Variants in ANXA13 observed in about 807,000 individuals in gnomAD.
The protein encoded by ANXA13 is annexin A13.
A neutral mutation model predicts 46.6 loss-of-function variants in ANXA13; 36 were observed. That is an observed-to-expected ratio of 0.77 (90% CI 0.59 to 1.02). ANXA13 has a LOEUF of 1.02. Among genes scored for constraint, ANXA13 ranks in the 50% least tolerant of loss-of-function variants. The pLI is 0.00. For synonymous variants in ANXA13, 163 were observed against 152.9 expected, an observed-to-expected ratio of 1.07 and a Z score of -0.49; for missense variants, 417 against 396.5, an observed-to-expected ratio of 1.05 and a Z score of -0.44.
At chr8:123,693,990 C>A (rs367631391) in intron 6 of ANXA13, among the ~76,000 whole-genome samples, 1 of 150,680 alleles carries the variant, frequency 6.6e-6, no homozygotes, top group Non-Finnish European at 1.5e-5. Context: ...CTTGGTTTTG[C>A]CTTTTTTTTT....
At position 123,693,222 on chromosome 8, in the gene ANXA13, C is replaced by G. The variant is rs750462919; in HGVS notation, c.617G>C (p.Arg206Pro). 1.2e-6 allele frequency: 2 copies of G among 1,614,028 alleles called. No individual in the cohort carries two copies. The highest frequency in any genetic ancestry group is 1.1e-5 in the South Asian group (1 of 91,090). ...VLAKRSYKQL[R>P]ATFQAYQILI... Reference sequence around the variant, plus strand: ...AATTTGATAGGCTTGAAAGGTGGCTCGTAACTGCTTGTAGCTCCTCTTGGC... The same window carrying G: ...AATTTGATAGGCTTGAAAGGTGGCTGGTAACTGCTTGTAGCTCCTCTTGGC... Residue 206 changes from arginine to proline, a missense_variant, in exon 8 of 11, where the codon CGA becomes CCA. Arg to Pro is a moderately radical substitution (Grantham distance 103). Transcript: ENST00000419625.
In ANXA13 at chr8:123,698,539, C is replaced by T; in HGVS notation, c.207G>A (p.Lys69=). Residue 69 remains lysine (K), a synonymous_variant, in exon 4 of 11, where the codon AAG becomes AAA. Coordinates refer to ENST00000419625, the MANE Select transcript of ANXA13 (RefSeq NM_004306.4). ...TYGKELEEVL[K]SELSGNFEKT... is the part of the protein sequence containing the mutation. ...TCTCGAAGTTTCCACTCAGCTCACT[C>T]TTGAGTACTTCCTCCAGCTCCTACC... 1.2e-6 allele frequency: 2 copies of T among 1,614,230 alleles called. No homozygotes were observed. The highest frequency in any genetic ancestry group is 1.7e-6 in the Non-Finnish European group (2 of 1,180,026).
At chr8:123,681,622 T>TC (rs1319183728) in intron 10 of ANXA13, among the ~76,000 whole-genome samples, 1 of 146,388 alleles carries the variant, frequency 6.8e-6, no homozygotes, top group African/African-American at 2.5e-5. Flanking sequence ...TGAATTTCTT[T>TC]TTTTTTTTTT....
intron 10 of ANXA13, among the ~76,000 whole-genome samples, chr8:123,682,241 G>C (rs896779181): frequency 1.8e-4 from 28 of 152,156 alleles, no homozygotes; most frequent in African/African-American, 6.8e-4. Flanking sequence ...TAATTTATTG[G>C]AAGCTTGAAA....
chr8:123,716,082 TCCTTTTTC>T (rs910098632), intron 1 of ANXA13, among the ~76,000 whole-genome samples: 5 of 152,186 alleles, frequency 3.3e-5, no homozygotes, highest in African/African-American at 9.7e-5. Flanking sequence ...TTTCCTTTTT[TCCTTTTTC>T]AAAAAAATTT....
At chr8:123,692,695 G>C (rs1351022366) in intron 8 of ANXA13, among the ~76,000 whole-genome samples, 1 of 152,172 alleles carries the variant, frequency 6.6e-6, no homozygotes, top group Non-Finnish European at 1.5e-5. Flanking sequence ...CAACTGTTCT[G>C]AGTCTTTATC....
At chr8:123,693,658 G>T in intron 7 of ANXA13, 53 bp downstream of exon 7, 1 of 1,441,608 alleles carries the variant, frequency 6.9e-7, no homozygotes, top group Non-Finnish European at 9.6e-7. Flanking sequence ...TGAAAATAAT[G>T]CTAATAAATT....
intron 1 of ANXA13, 60 bp from the exon 2 acceptor site, chr8:123,712,813 C>G (rs558920512): frequency 6.7e-7 from 1 of 1,498,748 alleles, no homozygotes; most frequent in Non-Finnish European, 9.3e-7. Context: ...TGATCTCTGG[C>G]TAAAATCGGT....
intron 2 of ANXA13, among the ~76,000 whole-genome samples, chr8:123,704,241 A>G (rs372660270): frequency 7.2e-4 from 109 of 151,838 alleles, no homozygotes; most frequent in African/African-American, 2.6e-3. Context: ...GCTCGGTGGG[A>G]TCAAGGCACA....
At chr8:123,707,014 C>A (rs1269298070) in intron 2 of ANXA13, among the ~76,000 whole-genome samples, 3 of 152,260 alleles carry the variant, frequency 2.0e-5, no homozygotes, top group African/African-American at 4.8e-5. Flanking sequence ...GCATCTCGCC[C>A]TCTGTGTCTC....
chr8:123,702,669 C>T lies in ANXA13; in HGVS notation c.159G>A (p.Lys53=), dbSNP rs750593521. The change falls in exon 3 of 11, where the codon AAG becomes AAA. Residue 53 remains lysine, a synonymous_variant. Transcript: ENST00000419625. ...TGCCGTACGTTGCCTTGTACTTTTG[C>T]TTGATTTGTTGCCTCTCATCTGATG... The part of the protein sequence containing the change: ...GRTSDERQQI[K]QKYKATYGKE... 2 of 1,614,078 alleles carry T rather than the reference C, an allele frequency of 1.2e-6. No individual in the cohort carries two copies. Among genetic ancestry groups the T allele is most frequent in the South Asian group, 1.1e-5 (1 of 91,082 alleles).
At chr8:123,707,955 T>C (rs530161742) in intron 2 of ANXA13, among the ~76,000 whole-genome samples, 21 of 152,274 alleles carry the variant, frequency 1.4e-4, no homozygotes, top group Admixed American at 3.9e-4. Context: ...AGCAACAACC[T>C]GGACGTCGGG....
In ANXA13 at chr8:123,695,619, G is replaced by C. The variant is rs180991374; in HGVS notation, c.392-38C>G. 3.0e-5 allele frequency: 49 copies of C among 1,609,514 alleles called. No individual in the cohort carries two copies. In the Admixed American group the frequency reaches 8.2e-4, roughly 27 times the overall value. ...TAAACAAGGAGGGAAGAAAGCAGAT[G>C]ATTTAGTTTCCCAGAGGTATTTTGA... On this transcript the variant is annotated intron_variant, in intron 5 of 10. Coordinates refer to ENST00000419625, the MANE Select transcript of ANXA13 (RefSeq NM_004306.4).
intron 9 of ANXA13, among the ~76,000 whole-genome samples, chr8:123,686,288 C>T (rs957226848): frequency 4.6e-5 from 7 of 151,980 alleles, no homozygotes; most frequent in Admixed American, 2.6e-4. Context: ...GCCTGGCCAA[C>T]ATGGTGAAAC....
At chr8:123,727,590 G>C (rs989524225) in intron 1 of ANXA13, 5 of 151,930 alleles carry the variant, frequency 3.3e-5, no homozygotes, top group African/African-American at 4.8e-5. Flanking sequence ...ATAGAGGCCA[G>C]GATTCTGCTA....
chr8:123,723,959 C>A (rs536877104), intron 1 of ANXA13, among the ~76,000 whole-genome samples: 1 of 152,128 alleles, frequency 6.6e-6, no homozygotes, highest in East Asian at 1.9e-4. Context: ...ACACTGAATG[C>A]CTTTTCTTTG....
At chr8:123,689,335 T>G (rs1813192505) in intron 8 of ANXA13, among the ~76,000 whole-genome samples, 1 of 151,166 alleles carries the variant, frequency 6.6e-6, no homozygotes, top group South Asian at 2.1e-4. Flanking sequence ...TTAGTTCCCA[T>G]GTGTTCTTCA....
intron 1 of ANXA13, among the ~76,000 whole-genome samples, chr8:123,730,858 G>T (rs757160156): frequency 1.3e-5 from 2 of 152,148 alleles, no homozygotes; most frequent in African/African-American, 4.8e-5. Context: ...GGAACCCTGG[G>T]TGGGGTGGGG....
intron 3 of ANXA13, among the ~76,000 whole-genome samples, chr8:123,699,317 C>T (rs182054191): frequency 1.3e-5 from 2 of 152,286 alleles, no homozygotes; most frequent in Admixed American, 1.3e-4. Context: ...GTAGCTGAGA[C>T]TACAGGTACA....
Sources: allele counts gnomAD v4.1 joint callset (sites outside exome capture counted in the v4.1 genomes callset), GRCh38; gene constraint gnomAD v4.1.1; transcripts MANE v1.5; gene names NCBI Gene and HGNC (gene_info 2026-07-23, HGNC 2026-07-21).